The following RALGAPA1 variants were observed in gnomAD, a reference collection of about 807,000 sequenced individuals.
The protein encoded by RALGAPA1 is Ral GTPase activating protein catalytic subunit alpha 1.
RALGAPA1 carries 52 observed loss-of-function variants against 269.6 expected under a neutral mutation model. That is an observed-to-expected ratio of 0.19 (90% confidence interval 0.15 to 0.24). RALGAPA1 has a LOEUF of 0.24. RALGAPA1 is among the 10% of genes least tolerant of loss of function. The pLI is 1.00. For missense variants in RALGAPA1, 1,917 were observed against 3,013.9 expected (o/e 0.64, Z 8.52); for synonymous variants, 817 against 1,008.3 (o/e 0.81, Z 3.60).
chr14:35,539,673 G>C lies in RALGAPA1; in HGVS notation c.*41C>G. On this transcript the variant is annotated 3_prime_UTR_variant, in exon 42 of 42. Transcript: ENST00000680220. Reference sequence around the variant, plus strand: ...GTTGCTGTGGGAGTTTCACTGGGTAGAATCTCTGGGTAGGAGCCTGTAGGA... The same window carrying C: ...GTTGCTGTGGGAGTTTCACTGGGTACAATCTCTGGGTAGGAGCCTGTAGGA... 1.2e-6 allele frequency: 2 copies of C among 1,614,114 alleles called. No individual in the cohort carries two copies. Among genetic ancestry groups the C allele is most frequent in the Non-Finnish European group, 1.7e-6 (2 of 1,180,000 alleles).
chr14:35,775,862 T>A, intron 1 of RALGAPA1, 117 bp from the exon 2 acceptor site: 2 of 1,027,864 alleles, frequency 1.9e-6, no homozygotes, highest in Non-Finnish European at 2.6e-6. Context: ...TCTATTCTAT[T>A]AAAATATTTA....
At chr14:35,798,992 CA>C (rs60003824) in intron 1 of RALGAPA1, among the ~76,000 whole-genome samples, 6,529 of 81,318 alleles carry the variant, frequency 0.08, 325 homozygotes, top group South Asian at 0.22. Flanking sequence ...CTGTCTGTGT[CA>C]AAAAAAAAAA....
At chr14:35,748,402 T>A in intron 10 of RALGAPA1, 183 bp downstream of exon 10, 1 of 394,168 alleles carries the variant, frequency 2.5e-6, no homozygotes, top group Non-Finnish European at 4.2e-6. Context: ...TTTTAAGAGA[T>A]GCGGTCTCTC....
Position 35,724,034 on chromosome 14 carries a change from T to C in RALGAPA1, c.1867-770A>G, listed in dbSNP as rs1192005274. ...TGAACAGAGTTTAGGTACAGAACTA[T>C]AGTAACTACTGACCTCCCAATCTAT... On this transcript the variant is annotated intron_variant, in intron 14 of 41. Coordinates refer to ENST00000680220, the MANE Select transcript of RALGAPA1 (RefSeq NM_001346249.2). Among the ~76,000 whole-genome samples, 4 of 152,138 alleles carry C rather than the reference T, an allele frequency of 2.6e-5. No homozygotes were observed. In the East Asian group the frequency reaches 7.7e-4, roughly 29 times the overall value.
chr14:35,786,740 G>A (rs576336737), intron 1 of RALGAPA1, among the ~76,000 whole-genome samples: 16 of 152,030 alleles, frequency 1.1e-4, no homozygotes, highest in Non-Finnish European at 2.1e-4. Context: ...TTTTAAGGTC[G>A]AGGCCTAATA....
At chr14:35,546,715 A>T (rs2054495414) in intron 41 of RALGAPA1, among the ~76,000 whole-genome samples, 1 of 152,022 alleles carries the variant, frequency 6.6e-6, no homozygotes, top group Non-Finnish European at 1.5e-5. Context: ...GCTAGGAAAA[A>T]GATTAAAAAC....
chr14:35,715,060 T>C (rs545329183), intron 16 of RALGAPA1, among the ~76,000 whole-genome samples: 6 of 152,332 alleles, frequency 3.9e-5, no homozygotes, highest in African/African-American at 1.2e-4. Context: ...TGTGTTTAAG[T>C]ACGGGCTTCT....
At chr14:35,635,185 A>G (rs2061594340) in intron 32 of RALGAPA1, among the ~76,000 whole-genome samples, 2 of 152,146 alleles carry the variant, frequency 1.3e-5, no homozygotes, top group South Asian at 4.1e-4. Flanking sequence ...AAAAGAAAAA[A>G]AAAAATCAAG....
intron 35 of RALGAPA1, among the ~76,000 whole-genome samples, chr14:35,613,184 C>T (rs951140472): frequency 1.3e-4 from 20 of 151,514 alleles, no homozygotes; most frequent in East Asian, 3.9e-4. Context: ...TGGGTTCAAG[C>T]GATTCTAGTG....
At chr14:35,688,326 C>T in intron 18 of RALGAPA1, 133 bp downstream of exon 18, 2 of 924,568 alleles carry the variant, frequency 2.2e-6, no homozygotes, top group Non-Finnish European at 3.2e-6. Context: ...GGAAAAGGCG[C>T]ATGCATAACC....
intron 1 of RALGAPA1, among the ~76,000 whole-genome samples, chr14:35,799,006 A>C (rs1466078931): frequency 8.6e-5 from 13 of 151,972 alleles, no homozygotes; most frequent in Non-Finnish European, 2.9e-5. Context: ...AAAAAAAAAA[A>C]AAAAGTACAC....
rs188725731 is a variant in RALGAPA1, at chr14:35,574,757, T to C, written c.7210-2039A>G. On this transcript the variant is annotated intron_variant, in intron 37 of 41. Transcript: ENST00000680220. ...TAAGCATTAATAGAAATTTCAGGCA[T>C]ATGTATGTTTGACAAACTTTATATA... is the stretch of plus-strand genomic sequence containing the variant. Among the ~76,000 whole-genome samples the C allele has an allele frequency of 2.4e-3, 359 of 152,306 alleles. 1 individual carries two copies. The highest frequency in any genetic ancestry group is 3.2e-3 in the Non-Finnish European group (219 of 68,028).
chr14:35,708,175 G>A (rs925333651), intron 16 of RALGAPA1, among the ~76,000 whole-genome samples: 1 of 152,016 alleles, frequency 6.6e-6, no homozygotes, highest in Admixed American at 6.6e-5. Context: ...AAACTTTGGG[G>A]AAACTCTCCA....
chr14:35,651,697 G>C (rs2062838457), intron 31 of RALGAPA1, 108 bp downstream of exon 31: 2 of 988,174 alleles, frequency 2.0e-6, no homozygotes, highest in Non-Finnish European at 2.8e-6. Flanking sequence ...AGTAGATTCT[G>C]AACAAGGATA....
At chr14:35,791,642 C>T (rs1393217369) in intron 1 of RALGAPA1, among the ~76,000 whole-genome samples, 1 of 151,046 alleles carries the variant, frequency 6.6e-6, no homozygotes. Flanking sequence ...CACGGTGGCT[C>T]ACACCTGTAA....
At chr14:35,780,979 G>C (rs1380440536) in intron 1 of RALGAPA1, among the ~76,000 whole-genome samples, 1 of 151,830 alleles carries the variant, frequency 6.6e-6, no homozygotes, top group Non-Finnish European at 1.5e-5. Context: ...CGAAAATAAA[G>C]AGCAAACTAA....
chr14:35,644,641 A>T (rs1010864175), intron 31 of RALGAPA1, among the ~76,000 whole-genome samples: 3 of 152,246 alleles, frequency 2.0e-5, no homozygotes, highest in African/African-American at 7.2e-5. Flanking sequence ...ATCCAGATAA[A>T]TAATCAATAT....
At chr14:35,630,201 A>T (rs1232352382) in intron 33 of RALGAPA1, among the ~76,000 whole-genome samples, 1 of 152,214 alleles carries the variant, frequency 6.6e-6, no homozygotes, top group African/African-American at 2.4e-5. Flanking sequence ...TGATTTTAAA[A>T]TGTTGCTGAG....
intron 37 of RALGAPA1, among the ~76,000 whole-genome samples, chr14:35,574,735 G>A (rs28757782): frequency 0.13 from 19,726 of 152,024 alleles, 1,328 homozygotes; most frequent in African/African-American, 0.14. Flanking sequence ...TAATGGTTAA[G>A]CATTAATAGA....
Sources: gnomAD v4.1 joint callset for allele counts (sites outside exome capture counted in the v4.1 genomes callset) on GRCh38, gnomAD v4.1.1 for gene constraint, MANE v1.5 for transcripts, NCBI Gene and HGNC (gene_info 2026-07-23, HGNC 2026-07-21) for gene names.